Variants in DSC3 observed in about 807,000 individuals in gnomAD.
The protein encoded by DSC3 is desmocollin-3.
DSC3 carries 97 observed loss-of-function variants against 89.5 expected under a neutral mutation model. That is an observed-to-expected ratio of 1.08 (90% CI 0.92 to 1.28). DSC3 has a LOEUF of 1.28. Among genes scored for constraint, DSC3 ranks in the 50% most tolerant of loss-of-function variants. DSC3 has a pLI of 0.00. For synonymous variants in DSC3, 436 were observed against 384.1 expected (o/e 1.14, Z -1.58); for missense variants, 1,199 against 1,085.3 (o/e 1.10, Z -1.47).
chr18:30,995,971 TAAAAAAAAAAAAA>T (rs1196444633), intron 15 of DSC3, among the ~76,000 whole-genome samples: 3 of 37,020 alleles, frequency 8.1e-5, no homozygotes, highest in South Asian at 1.6e-3. Flanking sequence ...GACCCTGCCT[TAAAAAAAAAAAAA>T]AAAAAAAAAA....
Position 30,992,385 on chromosome 18 carries a change from T to C in DSC3, c.*1790A>G, listed in dbSNP as rs1984295138. 1 of 152,260 alleles carries C rather than the reference T, an allele frequency of 6.6e-6. No individual in the cohort carries two copies. The highest frequency in any genetic ancestry group is 6.5e-5 in the Admixed American group (1 of 15,280). The allele number at this position is 152,260 out of a possible 1,614,324, so 9.4% of individuals were successfully genotyped here. A position where few individuals can be genotyped will look rare whatever the true frequency, so the allele number is the denominator to read the frequency against. The stretch of plus-strand genomic sequence containing the variant: ...CTGCACAACCAGTTCAGGCTCATCC[T>C]GCAAATGCCTTCAGACTCATCATGC... On this transcript the variant is annotated 3_prime_UTR_variant, in exon 16 of 16. Transcript: ENST00000360428.
intron 9 of DSC3, among the ~76,000 whole-genome samples, chr18:31,015,762 T>G (rs571901207): frequency 6.6e-6 from 1 of 152,238 alleles, no homozygotes; most frequent in African/African-American, 2.4e-5. Context: ...CTACTGTAGT[T>G]ATATTGTCTG....
chr18:31,033,411 T>C (rs544231231), intron 1 of DSC3, among the ~76,000 whole-genome samples: 131 of 152,230 alleles, frequency 8.6e-4, no homozygotes, highest in Admixed American at 1.4e-3. Context: ...GGCAATAGAA[T>C]AAATATATAG....
At chr18:31,008,602 C>A in intron 9 of DSC3, 77 bp from the exon 10 acceptor site, 2 of 1,553,930 alleles carry the variant, frequency 1.3e-6, no homozygotes, top group African/African-American at 1.4e-5. Context: ...GAACATTTGT[C>A]ATCCTGACCA....
intron 15 of DSC3, among the ~76,000 whole-genome samples, chr18:30,996,092 T>G (rs1984455753): frequency 6.6e-6 from 1 of 151,926 alleles, no homozygotes; most frequent in Non-Finnish European, 1.5e-5. Flanking sequence ...ATATTCTTGC[T>G]TTCCTTAAAA....
Position 31,018,701 on chromosome 18 carries a change from A to C in DSC3, c.1042T>G (p.Ser348Ala). Residue 348 changes from serine to alanine, a missense_variant, in exon 8 of 16, where the codon TCA (serine) becomes GCA (alanine). Ser to Ala is a moderately conservative substitution (Grantham distance 99). Coordinates refer to ENST00000360428, the MANE Select transcript of DSC3 (RefSeq NM_001941.5). ...TSTCIITVTD[S>A]NDNAPTFRQN... is the part of the protein sequence containing the mutation. ...CTGAAAGTGGGTGCATTATCATTTG[A>C]ATCTGTTACTGTTATGATACAAGTT... 6.2e-7 allele frequency: 1 copy of C among 1,613,626 alleles called. No individual in the cohort carries two copies. Among genetic ancestry groups the C allele is most frequent in the South Asian group, 1.1e-5 (1 of 91,070 alleles).
chr18:31,042,567 C>A (rs1448562138), intron 1 of DSC3, 25 bp downstream of exon 1: 6 of 1,549,586 alleles, frequency 3.9e-6, no homozygotes, highest in Admixed American at 3.9e-5. Context: ...CCCACCCCAG[C>A]CCTATCCGGC....
At chr18:31,003,936 G>A (rs1457984992) in intron 13 of DSC3, among the ~76,000 whole-genome samples, 1 of 152,144 alleles carries the variant, frequency 6.6e-6, no homozygotes, top group East Asian at 1.9e-4. Context: ...CAACAATTCT[G>A]TCTAAGCATA....
intron 1 of DSC3, among the ~76,000 whole-genome samples, chr18:31,036,723 T>C (rs936131151): frequency 6.6e-6 from 1 of 151,972 alleles, no homozygotes; most frequent in Admixed American, 6.6e-5. Context: ...TTAGGGCTCT[T>C]GAGACTTTCC....
intron 1 of DSC3, among the ~76,000 whole-genome samples, chr18:31,039,041 A>G (rs1986055870): frequency 6.6e-6 from 1 of 152,090 alleles, no homozygotes; most frequent in Non-Finnish European, 1.5e-5. Flanking sequence ...TTAATGATGA[A>G]CTAATGACCT....
chr18:31,012,744 G>A (rs1182792048), intron 9 of DSC3, among the ~76,000 whole-genome samples: 1 of 152,098 alleles, frequency 6.6e-6, no homozygotes, highest in East Asian at 1.9e-4. Context: ...TATGAAGCAA[G>A]CATAAAATTG....
At position 31,024,511 on chromosome 18, in the gene DSC3, G is replaced by C. The variant is rs750596801; in HGVS notation, c.631-18C>G. The C allele has an allele frequency of 1.2e-6, 2 of 1,610,402 alleles. No individual in the cohort carries two copies. The highest frequency in any genetic ancestry group is 2.2e-5 in the South Asian group (2 of 90,634). On this transcript the variant is annotated intron_variant, in intron 5 of 15. Transcript: ENST00000360428. ...GCAATCAACTGCAAAATAGCAAAAA[G>C]AAAGTTCCATTAATATCAGATCCCG...
chr18:30,995,453 G>C (rs1037957291), intron 15 of DSC3, among the ~76,000 whole-genome samples: 7 of 152,110 alleles, frequency 4.6e-5, no homozygotes, highest in Admixed American at 6.5e-5. Flanking sequence ...TTCCATTCAA[G>C]GATTAAAGGT....
At chr18:31,038,210 A>AT (rs1194377694) in intron 1 of DSC3, among the ~76,000 whole-genome samples, 1 of 152,234 alleles carries the variant, frequency 6.6e-6, no homozygotes, top group Non-Finnish European at 1.5e-5. Context: ...TACGATCCTC[A>AT]TAAAATGAGT....
Position 31,025,958 on chromosome 18 carries a change from TCA to T in DSC3, c.475-45_475-44del, listed in dbSNP as rs1567959027. On this transcript the variant is annotated intron_variant, in intron 4 of 15. Coordinates refer to ENST00000360428, the MANE Select transcript of DSC3 (RefSeq NM_001941.5). ...ATATGCAAAAAAATTAAAACTAAAT[TCA>T]GTTACAATATTTTTTAAATGCAGCT... 4 of 1,548,894 alleles carry T rather than the reference TCA, an allele frequency of 2.6e-6. No individual in the cohort carries two copies. The South Asian group carries it at 3.5e-5, about 13-fold the overall frequency.
chr18:30,998,334 C>A (rs1984544807), intron 14 of DSC3, among the ~76,000 whole-genome samples: 1 of 151,972 alleles, frequency 6.6e-6, no homozygotes, highest in South Asian at 2.1e-4. Flanking sequence ...CTTTTGTGTT[C>A]CATGAAGGCA....
chr18:31,021,587 T>G (rs1985421218), intron 7 of DSC3, among the ~76,000 whole-genome samples: 1 of 152,212 alleles, frequency 6.6e-6, no homozygotes, highest in African/African-American at 2.4e-5. Flanking sequence ...CTAGTTGTAG[T>G]GGGAAACATT....
intron 15 of DSC3, among the ~76,000 whole-genome samples, chr18:30,995,994 A>AG (rs1167202788): frequency 6.8e-6 from 1 of 147,910 alleles, no homozygotes; most frequent in Admixed American, 6.7e-5. Context: ...AAAAAAAAAA[A>AG]AAAAAGAAAA....
rs1425753146 is a variant in DSC3 at position 31,032,275 on chromosome 18, A to T, written c.71T>A (p.Ile24Asn). 1 of 1,609,606 alleles carries T rather than the reference A, an allele frequency of 6.2e-7. No individual in the cohort carries two copies. The highest frequency in any genetic ancestry group is 1.7e-5 in the Admixed American group (1 of 60,024). Reference sequence around the variant, plus strand: ...GCAGGCTTCACCAGCACGACTGAAGATCTAGAATTTAAAAGGTCACATTAA... The same window carrying T: ...GCAGGCTTCACCAGCACGACTGAAGTTCTAGAATTTAAAAGGTCACATTAA... ...VCLHLLLTLV[I>N]FSRAGEACKK... The change falls in exon 2 of 16, where the codon ATC becomes AAC. Residue 24 changes from isoleucine to asparagine, a missense_variant and splice_region_variant. Ile to Asn is a moderately radical substitution (Grantham distance 149, BLOSUM62 -3). Transcript: ENST00000360428.
Sources: allele counts gnomAD v4.1 joint callset (sites outside exome capture counted in the v4.1 genomes callset), GRCh38; gene constraint gnomAD v4.1.1; transcripts MANE v1.5; gene names NCBI Gene and HGNC (gene_info 2026-07-23, HGNC 2026-07-21).